SOCS6: variants seen among roughly 807,000 people sequenced by gnomAD.
SOCS6 encodes the protein STAT induced STAT inhibitor-4.
A neutral mutation model predicts 27.7 loss-of-function variants in SOCS6; 5 were observed. The ratio of observed to expected loss-of-function variants is 0.18; its 90% CI spans 0.09 to 0.38. The LOEUF is 0.38. Among genes scored for constraint, SOCS6 ranks in the 10% least tolerant of loss-of-function variants. SOCS6 has a pLI of 1.00. For synonymous variants in SOCS6, 271 were observed against 260.0 expected, an observed-to-expected ratio of 1.04 and a Z score of -0.41; for missense variants, 595 against 688.1, an observed-to-expected ratio of 0.86 and a Z score of 1.51.
At chr18:70,294,675 A>G (rs930165321) in intron 1 of SOCS6, among the ~76,000 whole-genome samples, 13 of 152,234 alleles carry the variant, frequency 8.5e-5, no homozygotes, top group Non-Finnish European at 1.0e-4. Context: ...GGGCGCCTTC[A>G]GAAGGATTGC....
intron 1 of SOCS6, 75 bp from the exon 2 acceptor site, chr18:70,324,468 G>T: frequency 2.2e-6 from 1 of 464,936 alleles, no homozygotes; most frequent in Admixed American, 4.0e-5. Context: ...GAAGTTAAAG[G>T]ATTAAAACTG....
intron 1 of SOCS6, among the ~76,000 whole-genome samples, chr18:70,307,536 A>G (rs2062374469): frequency 1.3e-5 from 2 of 152,320 alleles, no homozygotes; most frequent in Non-Finnish European, 2.9e-5. Context: ...TTATAGGTCT[A>G]TTTAGATTCT....
At chr18:70,304,485 A>G (rs1188776018) in intron 1 of SOCS6, among the ~76,000 whole-genome samples, 1 of 152,116 alleles carries the variant, frequency 6.6e-6, no homozygotes, top group Non-Finnish European at 1.5e-5. Context: ...TATTGTCATG[A>G]TAGTGGTTGT....
chr18:70,304,738 T>C (rs13381747), intron 1 of SOCS6, among the ~76,000 whole-genome samples: 12,881 of 152,312 alleles, frequency 0.085, 608 homozygotes, highest in Middle Eastern at 0.18. Flanking sequence ...TTCTAGCCTG[T>C]GGCTTATCTT....
At chr18:70,295,796 T>C (rs576541148) in intron 1 of SOCS6, among the ~76,000 whole-genome samples, 2 of 152,254 alleles carry the variant, frequency 1.3e-5, no homozygotes, top group Admixed American at 1.3e-4. Context: ...GATGAGGAAA[T>C]TGGGTCTAAG....
chr18:70,325,389 T>C lies in SOCS6; in HGVS notation c.721T>C (p.Cys241Arg). The change falls in exon 2 of 2, where the codon TGT becomes CGT. Residue 241 changes from cysteine (C) to arginine (R), a missense_variant. Around this residue, in one of 2 missense-constraint regions of SOCS6, gnomAD observed 467 missense variants for 481.1 expected, o/e 0.97. Coordinates refer to ENST00000397942, the MANE Select transcript of SOCS6 (RefSeq NM_004232.4). The surrounding 1 kb of genome is among the most constrained non-coding windows in gnomAD (Gnocchi z 6.3). ...TCCTTTGGAAGGATCACGGAGCTATTGTCTGGACAGCTCTTCTCCCATGGA... is the reference window on the plus strand; with the variant it reads ...TCCTTTGGAAGGATCACGGAGCTATCGTCTGGACAGCTCTTCTCCCATGGA... ...MYPLEGSRSY[C>R]LDSSSPMEVS... 6.2e-7 allele frequency: 1 copy of C among 1,614,204 alleles called. No homozygotes were observed. Among genetic ancestry groups the C allele is most frequent in the Non-Finnish European group, 8.5e-7 (1 of 1,180,032 alleles).
At chr18:70,311,638 G>T (rs1030599885) in intron 1 of SOCS6, among the ~76,000 whole-genome samples, 1 of 152,132 alleles carries the variant, frequency 6.6e-6, no homozygotes, top group African/African-American at 2.4e-5. Context: ...GTTCACTAGA[G>T]ATGTAATCGC....
In SOCS6 at chr18:70,329,795, CTTT is replaced by C. The variant is rs1911348838; in HGVS notation, c.*3522_*3524del. On this transcript the variant is annotated 3_prime_UTR_variant, in exon 2 of 2. Transcript: ENST00000397942. Reference sequence around the variant, plus strand: ...GTAAAGAAGGGTTTTTATAAACATTCTTTTTATTAATCAGTCATAACATGGCGA... The same window carrying C: ...GTAAAGAAGGGTTTTTATAAACATTCTTATTAATCAGTCATAACATGGCGA... 1 of 166,914 alleles carries C rather than the reference CTTT, an allele frequency of 6.0e-6. No individual in the cohort carries two copies. Among genetic ancestry groups the C allele is most frequent in the Non-Finnish European group, 1.5e-5 (1 of 68,054 alleles). The allele number at this position is 166,914 out of a possible 1,614,324, so 10.3% of individuals were successfully genotyped here.
chr18:70,294,190 ACTC>A (rs1568595579), intron 1 of SOCS6, among the ~76,000 whole-genome samples: 1 of 151,870 alleles, frequency 6.6e-6, no homozygotes, highest in Non-Finnish European at 1.5e-5. Context: ...CTAGTATTCT[ACTC>A]CTTTATCTGA....
chr18:70,309,671 C>T (rs2062382606), intron 1 of SOCS6, among the ~76,000 whole-genome samples: 1 of 152,034 alleles, frequency 6.6e-6, no homozygotes, highest in Non-Finnish European at 1.5e-5. Flanking sequence ...CCTCCCCTAA[C>T]TTTATGCCTT....
At position 70,301,907 on chromosome 18, in the gene SOCS6, C is replaced by T. The variant is rs1038980100; in HGVS notation, c.-127+12817C>T. Among the ~76,000 whole-genome samples, 5 of 152,104 alleles carry T rather than the reference C, an allele frequency of 3.3e-5. No homozygotes were observed. The East Asian group carries it at 5.8e-4, about 18-fold the overall frequency. ...CTCTAAGATTAGGACTGTGAATTCACGCTAGGCAAAGGCTGCTCTGTGCGA... is the reference window on the plus strand; with the variant it reads ...CTCTAAGATTAGGACTGTGAATTCATGCTAGGCAAAGGCTGCTCTGTGCGA... On this transcript the variant is annotated intron_variant, in intron 1 of 1. Coordinates refer to ENST00000397942, the MANE Select transcript of SOCS6 (RefSeq NM_004232.4).
intron 1 of SOCS6, among the ~76,000 whole-genome samples, chr18:70,307,761 G>T (rs1226594824): frequency 1.3e-5 from 2 of 152,120 alleles, no homozygotes; most frequent in African/African-American, 2.4e-5. Flanking sequence ...CTAGCCTAAA[G>T]CTTTGTCTGT....
intron 1 of SOCS6, among the ~76,000 whole-genome samples, chr18:70,298,542 C>T (rs1229880101): frequency 6.6e-6 from 1 of 152,052 alleles, no homozygotes; most frequent in Non-Finnish European, 1.5e-5. Context: ...TTCTAAGCCA[C>T]CAACTGTAAT....
chr18:70,305,502 A>G (rs959100293), intron 1 of SOCS6, among the ~76,000 whole-genome samples: 11 of 152,218 alleles, frequency 7.2e-5, no homozygotes, highest in African/African-American at 2.4e-4. Context: ...TAGTTTTATA[A>G]GCACTTTCGA....
intron 1 of SOCS6, among the ~76,000 whole-genome samples, chr18:70,316,123 T>C (rs1355517061): frequency 6.6e-6 from 1 of 152,234 alleles, no homozygotes; most frequent in African/African-American, 2.4e-5. Flanking sequence ...GTGCTGGGAT[T>C]ACAGGCATGA....
chr18:70,297,899 A>G (rs1164206215), intron 1 of SOCS6, among the ~76,000 whole-genome samples: 1 of 152,186 alleles, frequency 6.6e-6, no homozygotes, highest in Non-Finnish European at 1.5e-5. Flanking sequence ...TGGGGAAAAG[A>G]TTATTTTAAC....
rs949211903 is a variant in SOCS6 at position 70,329,727 on chromosome 18, T to G, written c.*3451T>G. ...TAAAATTCTAAAAGTGTTGGTACAC[T>G]AGCAATCACAAATATGGTTTCTTTT... On this transcript the variant is annotated 3_prime_UTR_variant, in exon 2 of 2. Transcript: ENST00000397942. 1 of 167,106 alleles carries G rather than the reference T, an allele frequency of 6.0e-6. No individual in the cohort carries two copies. The highest frequency in any genetic ancestry group is 2.1e-4 in the South Asian group (1 of 4,830). 10.4% of individuals were successfully genotyped at this position (167,106 alleles called of 1,614,324 possible).
intron 1 of SOCS6, among the ~76,000 whole-genome samples, chr18:70,312,293 C>G (rs1429716163): frequency 6.6e-6 from 1 of 151,746 alleles, no homozygotes; most frequent in African/African-American, 2.4e-5. Flanking sequence ...AATATTAGGT[C>G]AATGATCAAG....
intron 1 of SOCS6, among the ~76,000 whole-genome samples, chr18:70,296,872 A>G (rs527668778): frequency 1.4e-5 from 2 of 148,028 alleles, no homozygotes; most frequent in Non-Finnish European, 3.0e-5. Flanking sequence ...AATGACTTTT[A>G]TAATTTCTTC....
Sources: gnomAD v4.1 joint callset for allele counts (sites outside exome capture counted in the v4.1 genomes callset) on GRCh38, gnomAD v4.1.1 for gene constraint, gnomAD v4.1.1 regional missense constraint, Gnocchi (gnomAD v3.1) non-coding constraint, MANE v1.5 for transcripts, NCBI Gene and HGNC (gene_info 2026-07-23, HGNC 2026-07-21) for gene names.